LIN28B: variants seen among roughly 807,000 people sequenced by gnomAD.
LIN28B encodes the protein protein lin-28 homolog B.
LIN28B carries 5 observed loss-of-function variants against 21.9 expected under a neutral mutation model. The ratio of observed to expected loss-of-function variants is 0.23; its 90% CI spans 0.12 to 0.48. The LOEUF is 0.48. Among genes scored for constraint, LIN28B ranks in the 20% least tolerant of loss-of-function variants. The pLI is 0.98. For synonymous variants in LIN28B, 109 were observed against 111.3 expected, an observed-to-expected ratio of 0.98 and a Z score of 0.13; for missense variants, 245 against 310.5, an observed-to-expected ratio of 0.79 and a Z score of 1.58.
At chr6:105,010,456 T>G (rs1403155754) in intron 2 of LIN28B, among the ~76,000 whole-genome samples, 1 of 152,126 alleles carries the variant, frequency 6.6e-6, no homozygotes, top group Non-Finnish European at 1.5e-5. Context: ...TATCTCTCAC[T>G]CATAAAGTAT....
intron 3 of LIN28B, among the ~76,000 whole-genome samples, chr6:105,055,990 G>T (rs407996): frequency 1.4e-5 from 2 of 146,448 alleles, no homozygotes; most frequent in Admixed American, 1.4e-4. Flanking sequence ...TGAACTCCTG[G>T]GCTCAAGCAG....
rs115558863 is a variant in LIN28B, at chr6:105,022,661, A to G, written c.199-3637A>G. Among the ~76,000 whole-genome samples, 465 of 152,042 alleles carry G rather than the reference A, an allele frequency of 3.1e-3. 4 individuals are homozygous for G. Among genetic ancestry groups the G allele is most frequent in the African/African-American group, 0.011 (444 of 41,460 alleles). On this transcript the variant is annotated intron_variant, in intron 2 of 3. Coordinates refer to ENST00000345080, the MANE Select transcript of LIN28B (RefSeq NM_001004317.4). ...TTTGCACAGAAAGGTCTGGGTGGGG[A>G]TGGAATTAGAGTAATGTTTTTAGGT... is the stretch of plus-strand genomic sequence containing the variant.
At chr6:105,046,084 G>A (rs916457073) in intron 3 of LIN28B, among the ~76,000 whole-genome samples, 1 of 152,036 alleles carries the variant, frequency 6.6e-6, no homozygotes, top group African/African-American at 2.4e-5. Context: ...TGTTACATAT[G>A]TATACATGCG....
chr6:105,057,176 T>A (rs1393524473), intron 3 of LIN28B, among the ~76,000 whole-genome samples: 1 of 152,226 alleles, frequency 6.6e-6, no homozygotes, highest in African/African-American at 2.4e-5. Context: ...CTAACTGTGG[T>A]ACCATTTCCA....
At chr6:104,991,063 A>G (rs978302797) in intron 2 of LIN28B, among the ~76,000 whole-genome samples, 2 of 152,214 alleles carry the variant, frequency 1.3e-5, no homozygotes, top group Non-Finnish European at 2.9e-5. Flanking sequence ...CCCGTTCTCA[A>G]TGAGCTGTTG....
At chr6:105,076,117 C>T (rs977852779) in intron 3 of LIN28B, among the ~76,000 whole-genome samples, 1 of 152,096 alleles carries the variant, frequency 6.6e-6, no homozygotes, top group Non-Finnish European at 1.5e-5. Flanking sequence ...ATTATTTAAT[C>T]TTACACTCTC....
At chr6:104,979,397 G>T (rs1299168333) in intron 2 of LIN28B, among the ~76,000 whole-genome samples, 1 of 151,666 alleles carries the variant, frequency 6.6e-6, no homozygotes, top group African/African-American at 2.4e-5. Context: ...TAGTAGAGAC[G>T]GGGTTTCACC....
At chr6:104,960,219 A>G (rs1769702397) in intron 2 of LIN28B, among the ~76,000 whole-genome samples, 1 of 152,148 alleles carries the variant, frequency 6.6e-6, no homozygotes, top group Admixed American at 6.5e-5. Flanking sequence ...CTTATATTGT[A>G]ATATACATAA....
intron 3 of LIN28B, among the ~76,000 whole-genome samples, chr6:105,031,264 C>T (rs1400731787): frequency 3.3e-5 from 5 of 151,956 alleles, no homozygotes; most frequent in African/African-American, 1.2e-4. Flanking sequence ...CAGTAGGAGC[C>T]CCTTCAGGCT....
intron 3 of LIN28B, among the ~76,000 whole-genome samples, chr6:105,044,120 A>G (rs566358065): frequency 1.3e-5 from 2 of 152,254 alleles, no homozygotes; most frequent in Admixed American, 1.3e-4. Flanking sequence ...AAATCCATCA[A>G]AAGTTTTATT....
intron 2 of LIN28B, among the ~76,000 whole-genome samples, chr6:105,010,362 CAA>C (rs143121695): frequency 4.3e-4 from 45 of 104,324 alleles, no homozygotes; most frequent in Admixed American, 5.3e-4. Context: ...GACCCTGACT[CAA>C]AAAAAAAAAA....
chr6:105,048,753 A>G (rs1361958448), intron 3 of LIN28B, among the ~76,000 whole-genome samples: 1 of 152,140 alleles, frequency 6.6e-6, no homozygotes, highest in African/African-American at 2.4e-5. Flanking sequence ...GGGAAGGTGT[A>G]TGTGTCAAGG....
chr6:105,028,671 A>G (rs1771355394), intron 3 of LIN28B, among the ~76,000 whole-genome samples: 1 of 152,234 alleles, frequency 6.6e-6, no homozygotes, highest in Non-Finnish European at 1.5e-5. Flanking sequence ...GCCTGAAATC[A>G]AAAGTATAGT....
chr6:105,060,091 C>T (rs1462152051), intron 3 of LIN28B, among the ~76,000 whole-genome samples: 1 of 152,048 alleles, frequency 6.6e-6, no homozygotes, highest in Non-Finnish European at 1.5e-5. Flanking sequence ...TTAGTAGAGA[C>T]AGGGCTTCTC....
intron 3 of LIN28B, among the ~76,000 whole-genome samples, chr6:105,062,937 A>G (rs1403659779): frequency 1.3e-5 from 2 of 152,022 alleles, no homozygotes; most frequent in African/African-American, 4.8e-5. Flanking sequence ...CTTATGAGCC[A>G]TATTTCTTAT....
chr6:104,996,503 G>C (rs1176131245), intron 2 of LIN28B, among the ~76,000 whole-genome samples: 1 of 152,178 alleles, frequency 6.6e-6, no homozygotes, highest in African/African-American at 2.4e-5. Flanking sequence ...GTATATAACA[G>C]TGATAAGTGA....
At chr6:104,952,223 C>T (rs1426161155), upstream of LIN28B, among the ~76,000 whole-genome samples, 1 of 152,186 alleles carries the variant, frequency 6.6e-6, no homozygotes, top group East Asian at 1.9e-4. Context: ...TCCACAGACT[C>T]ATGGTATTTA....
chr6:104,980,896 T>A (rs1288284543), intron 2 of LIN28B, among the ~76,000 whole-genome samples: 1 of 152,152 alleles, frequency 6.6e-6, no homozygotes, highest in East Asian at 1.9e-4. Flanking sequence ...TACTATATAT[T>A]AAAATATATG....
chr6:105,082,773 C>A lies in LIN28B; in HGVS notation c.*3990C>A, dbSNP rs1221780669. 1 of 152,552 alleles carries A rather than the reference C, an allele frequency of 6.6e-6. No individual in the cohort carries two copies. The allele number at this position is 152,552 out of a possible 1,614,324, so 9.4% of individuals were successfully genotyped here. A position where few individuals can be genotyped will look rare whatever the true frequency, so the allele number is the denominator to read the frequency against. ...AAATTTTATATTTGGAACAAAGCTG[C>A]AAGTTATGGTAAAGTACTGTACTGT... On this transcript the variant is annotated 3_prime_UTR_variant, in exon 4 of 4. Transcript: ENST00000345080.
Sources: allele counts gnomAD v4.1 joint callset (sites outside exome capture counted in the v4.1 genomes callset), GRCh38; gene constraint gnomAD v4.1.1; transcripts MANE v1.5; gene names NCBI Gene and HGNC (gene_info 2026-07-23, HGNC 2026-07-21).